CCDC141: variants seen among roughly 807,000 people sequenced by gnomAD.
CCDC141 encodes coiled-coil domain containing 141.
Under a neutral mutation model 181.0 loss-of-function variants are expected in CCDC141, and 168 were observed. The observed-to-expected ratio is 0.93, with a 90% CI of 0.82 to 1.05. The LOEUF (loss-of-function observed/expected upper bound fraction) is 1.05. Among genes scored for constraint, CCDC141 ranks in the 50% least tolerant of loss-of-function variants. CCDC141 has a pLI of 0.00. For missense variants in CCDC141, 1,902 were observed against 1,788.5 expected (o/e 1.06, Z -1.14); for synonymous variants, 666 against 642.3 (o/e 1.04, Z -0.56).
chr2:178,831,486 G>A lies in CCDC141; in HGVS notation c.*2687C>T, dbSNP rs1316390600. ...ACTTTCTTTTCATTTTAGTTTTCTT[G>A]TTGAAAATGTTTTGATATTACTAAC... On this transcript the variant is annotated 3_prime_UTR_variant, in exon 24 of 24. Transcript: ENST00000443758. 6.6e-6 allele frequency: 1 copy of A among 152,074 alleles called. No individual in the cohort carries two copies. The highest frequency in any genetic ancestry group is 1.5e-5 in the Non-Finnish European group (1 of 68,010). 9.4% of individuals were successfully genotyped at this position (152,074 alleles called of 1,614,324 possible). A position where few individuals can be genotyped will look rare whatever the true frequency, so the allele number is the denominator to read the frequency against.
At chr2:179,021,313 A>C (rs2042686348) in intron 2 of CCDC141, among the ~76,000 whole-genome samples, 1 of 152,212 alleles carries the variant, frequency 6.6e-6, no homozygotes, top group Non-Finnish European at 1.5e-5. Context: ...TTAGCTATGC[A>C]AACCTAATTG....
intron 2 of CCDC141, among the ~76,000 whole-genome samples, chr2:179,036,070 T>C (rs1244434664): frequency 2.0e-5 from 3 of 152,188 alleles, no homozygotes; most frequent in Non-Finnish European, 4.4e-5. Flanking sequence ...AACAAAGGAG[T>C]ATGGCGTGTG....
intron 5 of CCDC141, among the ~76,000 whole-genome samples, chr2:178,947,076 T>C (rs939745127): frequency 6.6e-6 from 1 of 152,184 alleles, no homozygotes; most frequent in Non-Finnish European, 1.5e-5. Context: ...TGCTGTGGGA[T>C]GCACACAAAA....
At chr2:178,889,657 A>T (rs189746745) in intron 8 of CCDC141, among the ~76,000 whole-genome samples, 1 of 152,320 alleles carries the variant, frequency 6.6e-6, no homozygotes, top group Admixed American at 6.5e-5. Context: ...ACCGAGAGGT[A>T]AAGTAACCTC....
At chr2:178,861,412 G>C (rs1010424625) in intron 17 of CCDC141, among the ~76,000 whole-genome samples, 1 of 152,018 alleles carries the variant, frequency 6.6e-6, no homozygotes, top group African/African-American at 2.4e-5. Flanking sequence ...GAGGCAGGTG[G>C]GTCACCAGAG....
chr2:179,048,713 G>C (rs1010192292), intron 1 of CCDC141, among the ~76,000 whole-genome samples: 1 of 152,110 alleles, frequency 6.6e-6, no homozygotes, highest in East Asian at 1.9e-4. Flanking sequence ...TGAAAAGATG[G>C]GAGGGTGAGG....
chr2:179,015,059 G>A (rs1210670247), intron 2 of CCDC141, among the ~76,000 whole-genome samples: 1 of 60,356 alleles, frequency 1.7e-5, no homozygotes, highest in Non-Finnish European at 2.6e-5. Context: ...AACTGTGAGA[G>A]AGACAGAGAT....
At chr2:178,871,371 C>A in intron 14 of CCDC141, 56 bp downstream of exon 14, 1 of 1,555,544 alleles carries the variant, frequency 6.4e-7, no homozygotes, top group South Asian at 1.2e-5. Context: ...AAACTGCAAC[C>A]AAACAGTTTT....
chr2:178,965,599 TC>T (rs1173147751), intron 4 of CCDC141, among the ~76,000 whole-genome samples: 1 of 152,140 alleles, frequency 6.6e-6, no homozygotes, highest in African/African-American at 2.4e-5. Context: ...ACTGTGCTTG[TC>T]CCATGGTCTT....
intron 2 of CCDC141, among the ~76,000 whole-genome samples, chr2:179,038,708 G>C (rs531772350): frequency 6.6e-6 from 1 of 152,184 alleles, no homozygotes; most frequent in East Asian, 1.9e-4. Context: ...GCAAAAATAA[G>C]CATTCCCTGA....
rs1014751326 is a variant in CCDC141, at chr2:178,831,560, C to T, written c.*2613G>A. On this transcript the variant is annotated 3_prime_UTR_variant, in exon 24 of 24. Coordinates refer to ENST00000443758, the MANE Select transcript of CCDC141 (RefSeq NM_173648.4). Reference sequence around the variant, plus strand: ...AAATGGTTATAAATTATGTATATACCTTAAAATAGAAACAACACTTAAATT... The same window carrying T: ...AAATGGTTATAAATTATGTATATACTTTAAAATAGAAACAACACTTAAATT... The T allele has an allele frequency of 6.6e-6, 1 of 151,984 alleles. No individual in the cohort carries two copies. The highest frequency in any genetic ancestry group is 6.6e-5 in the Admixed American group (1 of 15,230). The allele number at this position is 151,984 out of a possible 1,614,324, so 9.4% of individuals were successfully genotyped here.
At chr2:179,019,285 G>T (rs1437766677) in intron 2 of CCDC141, among the ~76,000 whole-genome samples, 1 of 151,948 alleles carries the variant, frequency 6.6e-6, no homozygotes, top group Non-Finnish European at 1.5e-5. Context: ...TATATTCACG[G>T]TCTACGTTGC....
chr2:178,898,584 C>T (rs1177066291), intron 8 of CCDC141, among the ~76,000 whole-genome samples: 2 of 152,118 alleles, frequency 1.3e-5, no homozygotes, highest in African/African-American at 2.4e-5. Context: ...TTGGAATTAC[C>T]ATCAGATTAG....
intron 5 of CCDC141, among the ~76,000 whole-genome samples, chr2:178,957,034 G>C (rs1321917125): frequency 6.6e-6 from 1 of 152,088 alleles, no homozygotes; most frequent in Non-Finnish European, 1.5e-5. Context: ...GCACCACCAT[G>C]CCTGGCTAAT....
chr2:178,932,270 T>C (rs764723113), intron 6 of CCDC141, among the ~76,000 whole-genome samples: 153 of 152,218 alleles, frequency 1.0e-3, no homozygotes, highest in Non-Finnish European at 1.6e-3. Context: ...TTGTTACCCC[T>C]TTCACAAAAA....
At chr2:178,900,678 G>T (rs1291316413) in intron 8 of CCDC141, among the ~76,000 whole-genome samples, 1 of 152,082 alleles carries the variant, frequency 6.6e-6, no homozygotes, top group Non-Finnish European at 1.5e-5. Context: ...TTTAAGTTTT[G>T]AAAACAAAGA....
At position 179,000,267 on chromosome 2, in the gene CCDC141, T is replaced by C. The variant is rs368310661; in HGVS notation, c.226-21592A>G. Among the ~76,000 whole-genome samples, 3 of 152,146 alleles carry C rather than the reference T, an allele frequency of 2.0e-5. No homozygotes were observed. In the East Asian group the frequency reaches 5.8e-4, roughly 29 times the overall value. On this transcript the variant is annotated intron_variant, in intron 2 of 23. Transcript: ENST00000443758. ...TATTCCATGACATATAATAATTATA[T>C]GAAACTCAAATTTCAATGTCCATAA...
chr2:178,957,770 A>T (rs1690223765), intron 5 of CCDC141, among the ~76,000 whole-genome samples: 1 of 152,140 alleles, frequency 6.6e-6, no homozygotes, highest in Non-Finnish European at 1.5e-5. Context: ...TGTGTCACCC[A>T]GACTGGAGTG....
chr2:178,863,086 G>A (rs1685692350), intron 17 of CCDC141, among the ~76,000 whole-genome samples: 1 of 152,160 alleles, frequency 6.6e-6, no homozygotes, highest in Non-Finnish European at 1.5e-5. Flanking sequence ...TTATGTAAAT[G>A]GTGAATTCTG....
Sources: allele counts gnomAD v4.1 joint callset (sites outside exome capture counted in the v4.1 genomes callset), GRCh38; gene constraint gnomAD v4.1.1; transcripts MANE v1.5; gene names NCBI Gene and HGNC (gene_info 2026-07-23, HGNC 2026-07-21).